Variants in FSTL5 observed in about 807,000 individuals in gnomAD.
FSTL5 encodes the protein follistatin like 5, also known as follistatin-related protein 5.
FSTL5 carries 62 observed loss-of-function variants against 89.1 expected under a neutral mutation model. That is an observed-to-expected ratio of 0.70 (90% CI 0.57 to 0.86). The LOEUF (loss-of-function observed/expected upper bound fraction) is 0.86. Ranked by LOEUF, FSTL5 falls within the 40% of genes least tolerant of loss-of-function variation. The pLI is 0.00. For synonymous variants in FSTL5, 383 were observed against 346.2 expected (o/e 1.11, Z -1.18); for missense variants, 1,057 against 1,001.6 (o/e 1.06, Z -0.75).
intron 3 of FSTL5, among the ~76,000 whole-genome samples, chr4:162,019,653 A>G (rs1382250856): frequency 1.3e-5 from 2 of 151,950 alleles, no homozygotes; most frequent in East Asian, 1.9e-4. Context: ...TATTCTCAAT[A>G]TCTTTTATGA....
chr4:161,412,071 A>G (rs1177082229), intron 15 of FSTL5, among the ~76,000 whole-genome samples: 2 of 152,168 alleles, frequency 1.3e-5, no homozygotes, highest in African/African-American at 2.4e-5. Flanking sequence ...AGTGAAATCA[A>G]GAGCACAGTT....
At chr4:161,464,651 T>C (rs913581187) in intron 13 of FSTL5, among the ~76,000 whole-genome samples, 5 of 152,196 alleles carry the variant, frequency 3.3e-5, no homozygotes, top group Admixed American at 1.3e-4. Context: ...AACCATGCAC[T>C]TAGAATAATA....
At chr4:161,498,081 T>C (rs1224803078) in intron 12 of FSTL5, among the ~76,000 whole-genome samples, 1 of 151,732 alleles carries the variant, frequency 6.6e-6, no homozygotes, top group Non-Finnish European at 1.5e-5. Context: ...TATGTATGTA[T>C]ATATACATAT....
intron 2 of FSTL5, among the ~76,000 whole-genome samples, chr4:162,111,054 G>C (rs1482985674): frequency 6.6e-6 from 1 of 151,808 alleles, no homozygotes; most frequent in East Asian, 1.9e-4. Context: ...TTTTTAATGG[G>C]CTATCTCTAT....
intron 2 of FSTL5, among the ~76,000 whole-genome samples, chr4:162,054,888 G>A (rs1461393260): frequency 1.3e-5 from 2 of 151,734 alleles, no homozygotes; most frequent in East Asian, 1.9e-4. Flanking sequence ...CCTCCAAGTT[G>A]CAAAACTACC....
chr4:161,684,453 C>T (rs1579018980), intron 6 of FSTL5, among the ~76,000 whole-genome samples: 1 of 151,520 alleles, frequency 6.6e-6, no homozygotes, highest in East Asian at 1.9e-4. Context: ...TTTTTGATTA[C>T]GGTCATTCTT....
chr4:161,398,364 A>G (rs1731072937), intron 15 of FSTL5, among the ~76,000 whole-genome samples: 1 of 152,072 alleles, frequency 6.6e-6, no homozygotes, highest in African/African-American at 2.4e-5. Flanking sequence ...GATGTCTCCA[A>G]AATTATTCAT....
intron 4 of FSTL5, among the ~76,000 whole-genome samples, chr4:161,850,201 C>T (rs1457024381): frequency 6.6e-6 from 1 of 152,012 alleles, no homozygotes; most frequent in Non-Finnish European, 1.5e-5. Context: ...GGAAAGGATG[C>T]TATGGTTTAG....
In FSTL5 at chr4:161,481,122, C is replaced by T. The variant is rs187455555; in HGVS notation, c.1506G>A (p.Val502=). The T allele has an allele frequency of 1.9e-6, 3 of 1,612,910 alleles. No homozygotes were observed. The highest frequency in any genetic ancestry group is 1.7e-5 in the Admixed American group (1 of 59,976). The change falls in exon 13 of 16, where the codon GTG becomes GTA. Residue 502 remains valine (V), a synonymous_variant. Transcript: ENST00000306100. ...CTTTGACATTAACAGCTGATGCCCA[C>T]ACACACCTCTGAACTTCATCTCCCT... ...KAEGDEVQRC[V]WASAVNVKDK...
intron 3 of FSTL5, among the ~76,000 whole-genome samples, chr4:161,942,624 G>A (rs1215471982): frequency 1.3e-5 from 2 of 152,008 alleles, no homozygotes; most frequent in African/African-American, 4.8e-5. Flanking sequence ...ATGGAAAAAA[G>A]GAGAATATGC....
intron 7 of FSTL5, among the ~76,000 whole-genome samples, chr4:161,625,313 A>G (rs1025173704): frequency 2.0e-4 from 31 of 152,206 alleles, no homozygotes; most frequent in Admixed American, 1.3e-3. Flanking sequence ...TTTTTCCTAC[A>G]GTATGTGCTC....
intron 3 of FSTL5, among the ~76,000 whole-genome samples, chr4:161,979,681 G>A (rs1192352726): frequency 6.6e-6 from 1 of 151,924 alleles, no homozygotes; most frequent in East Asian, 1.9e-4. Flanking sequence ...CCATAACACT[G>A]GTTATTATGT....
At chr4:161,397,318 T>C (rs13141680) in intron 15 of FSTL5, among the ~76,000 whole-genome samples, 30,806 of 151,784 alleles carry the variant, frequency 0.2, 3,540 homozygotes, top group Middle Eastern at 0.33. Context: ...TTAAACAATG[T>C]AGTGGTGTTT....
At chr4:161,756,008 T>C (rs572008100) in intron 6 of FSTL5, among the ~76,000 whole-genome samples, 4 of 152,132 alleles carry the variant, frequency 2.6e-5, no homozygotes, top group African/African-American at 4.8e-5. Context: ...TTCTCACTAA[T>C]GCAGATACAA....
At chr4:161,544,418 G>T (rs1022171755) in intron 8 of FSTL5, among the ~76,000 whole-genome samples, 1 of 152,024 alleles carries the variant, frequency 6.6e-6, no homozygotes, top group African/African-American at 2.4e-5. Flanking sequence ...TTTATAAAAC[G>T]TTCACAATGG....
At chr4:161,823,419 G>A (rs2126853384) in intron 4 of FSTL5, among the ~76,000 whole-genome samples, 1 of 152,320 alleles carries the variant, frequency 6.6e-6, no homozygotes, top group South Asian at 2.1e-4. Flanking sequence ...CAGCAGTGGG[G>A]CTGGCATGTC....
chr4:161,631,112 G>A lies in FSTL5; in HGVS notation c.894+25216C>T, dbSNP rs772438151. Among the ~76,000 whole-genome samples, 7 of 151,914 alleles carry A rather than the reference G, an allele frequency of 4.6e-5. 1 individual carries two copies. The highest frequency in any genetic ancestry group is 3.9e-4 in the East Asian group (2 of 5,192). On this transcript the variant is annotated intron_variant, in intron 7 of 15. Coordinates refer to ENST00000306100, the MANE Select transcript of FSTL5 (RefSeq NM_020116.5). ...GGTTCAAGAAAATAGATTCTTCACC[G>A]GTGCCTTATACCAAGATCCACTACA...
At chr4:161,770,937 C>T (rs781245832) in intron 5 of FSTL5, among the ~76,000 whole-genome samples, 2 of 151,732 alleles carry the variant, frequency 1.3e-5, no homozygotes, top group East Asian at 1.9e-4. Flanking sequence ...AACACTCATG[C>T]GAGCTATATG....
intron 3 of FSTL5, among the ~76,000 whole-genome samples, chr4:161,925,615 G>T (rs577770310): frequency 1.9e-4 from 29 of 151,912 alleles, no homozygotes; most frequent in African/African-American, 3.1e-4. Flanking sequence ...GATATCATGT[G>T]GTTGTTAAGA....
Sources: gnomAD v4.1 joint callset for allele counts (sites outside exome capture counted in the v4.1 genomes callset) on GRCh38, gnomAD v4.1.1 for gene constraint, MANE v1.5 for transcripts, NCBI Gene and HGNC (gene_info 2026-07-23, HGNC 2026-07-21) for gene names.